The following ELAVL2 variants were observed in gnomAD, a reference collection of about 807,000 sequenced individuals.
ELAVL2 encodes ELAV like RNA binding protein 2.
In ELAVL2, 4 loss-of-function variants were observed where a neutral mutation model predicts 34.6. That is an observed-to-expected ratio of 0.12 (90% confidence interval 0.06 to 0.26). The LOEUF (loss-of-function observed/expected upper bound fraction) is 0.26, where lower values mean the gene tolerates loss of function less well. Among genes scored for constraint, ELAVL2 ranks in the 10% least tolerant of loss-of-function variants. The pLI is 1.00. For missense variants in ELAVL2, 432 were observed against 442.8 expected (o/e 0.98, Z 0.22); for synonymous variants, 193 against 154.8 (o/e 1.25, Z -1.83).
chr9:23,770,881 G>A (rs1432814673), intron 1 of ELAVL2, among the ~76,000 whole-genome samples: 2 of 152,216 alleles, frequency 1.3e-5, no homozygotes, highest in Admixed American at 1.3e-4. Context: ...AAAGATTCTA[G>A]GCAGAGACCT....
At position 23,810,776 on chromosome 9, in the gene ELAVL2, T is replaced by C. The variant is rs573741967; in HGVS notation, c.-16+15030A>G. Among the ~76,000 whole-genome samples, 33 of 152,218 alleles carry C rather than the reference T, an allele frequency of 2.2e-4. No individual in the cohort carries two copies. In the South Asian group the frequency reaches 6.6e-3, roughly 31 times the overall value. ...ATTTTCCTCACCTATAAAACATCAT[T>C]CCCAGGGAGCTGTGGCAAGTTTCTA... On this transcript the variant is annotated intron_variant, in intron 1 of 6. Coordinates refer to ENST00000397312, the MANE Select transcript of ELAVL2 (RefSeq NM_004432.5).
At chr9:23,821,959 G>C (rs1435355892) in intron 1 of ELAVL2, 5 of 151,458 alleles carry the variant, frequency 3.3e-5, no homozygotes, top group Admixed American at 1.3e-4. Flanking sequence ...ACCGCCCTTC[G>C]GGTCCGTGCC....
intron 1 of ELAVL2, among the ~76,000 whole-genome samples, chr9:23,802,874 T>C (rs1027507590): frequency 6.6e-6 from 1 of 151,598 alleles, no homozygotes; most frequent in African/African-American, 2.4e-5. Context: ...TTTAAAAATA[T>C]TTTTTAATAT....
At chr9:23,739,678 TGTG>T (rs1358955313) in intron 2 of ELAVL2, among the ~76,000 whole-genome samples, 5 of 151,998 alleles carry the variant, frequency 3.3e-5, no homozygotes, top group African/African-American at 1.2e-4. Context: ...AAAATAGTAT[TGTG>T]GTAGAGGAAA....
chr9:23,777,129 A>G (rs2058334823), intron 1 of ELAVL2, among the ~76,000 whole-genome samples: 1 of 152,238 alleles, frequency 6.6e-6, no homozygotes, highest in Non-Finnish European at 1.5e-5. Context: ...ACTGTTGATA[A>G]AACTTTCAGG....
At position 23,704,142 on chromosome 9, in the gene ELAVL2, C is replaced by T. The variant is rs561689190; in HGVS notation, c.487+776G>A. 3.9e-4 allele frequency among the ~76,000 whole-genome samples: 59 copies of T among 151,794 alleles called. 1 individual carries two copies. Among genetic ancestry groups the T allele is most frequent in the African/African-American group, 1.3e-3 (55 of 41,466 alleles). On this transcript the variant is annotated intron_variant, in intron 4 of 6. Transcript: ENST00000397312. Reference sequence around the variant, plus strand: ...AGATGGGGCTTCTCTATGTTGGTCACGCTGGTCTTGAACTCCCAGCCTCAG... The same window carrying T: ...AGATGGGGCTTCTCTATGTTGGTCATGCTGGTCTTGAACTCCCAGCCTCAG...
intron 1 of ELAVL2, among the ~76,000 whole-genome samples, chr9:23,797,902 T>G (rs2061145987): frequency 6.6e-6 from 1 of 151,378 alleles, no homozygotes; most frequent in Non-Finnish European, 1.5e-5. Context: ...CACTCCAGCT[T>G]GCGCAACAAG....
chr9:23,802,118 C>CA (rs1448675212), intron 1 of ELAVL2, among the ~76,000 whole-genome samples: 1 of 152,058 alleles, frequency 6.6e-6, no homozygotes, highest in Non-Finnish European at 1.5e-5. Flanking sequence ...TCTACTTGAG[C>CA]AACAAACTAG....
chr9:23,729,326 C>G (rs1237794791), intron 3 of ELAVL2, among the ~76,000 whole-genome samples: 4 of 152,100 alleles, frequency 2.6e-5, no homozygotes, highest in African/African-American at 9.7e-5. Context: ...AAATTAGCAG[C>G]AACGCTGGAA....
intron 1 of ELAVL2, among the ~76,000 whole-genome samples, chr9:23,789,535 C>G (rs2060095784): frequency 6.6e-6 from 1 of 152,174 alleles, no homozygotes; most frequent in Non-Finnish European, 1.5e-5. Context: ...AACTTAAAAT[C>G]TGACACCTGC....
chr9:23,831,894 G>A, the ELAVL2 span, among the ~76,000 whole-genome samples: 4 of 152,122 alleles, frequency 2.6e-5, no homozygotes, highest in Non-Finnish European at 4.4e-5. Flanking sequence ...GCTGTGAGGA[G>A]AAGTGGAAAA....
chr9:23,730,422 G>T (rs1460708955), intron 3 of ELAVL2, among the ~76,000 whole-genome samples: 1 of 152,072 alleles, frequency 6.6e-6, no homozygotes, highest in Non-Finnish European at 1.5e-5. Context: ...TACAACTCAA[G>T]CACCACATCT....
At chr9:23,844,863 G>A in the ELAVL2 span, among the ~76,000 whole-genome samples, 131 of 152,104 alleles carry the variant, frequency 8.6e-4, no homozygotes, top group Middle Eastern at 0.01. Context: ...CACAAAATGT[G>A]ATGACTTCAT....
rs563834630 is a variant in ELAVL2 at position 23,716,265 on chromosome 9, A to G, written c.334-11194T>C. On this transcript the variant is annotated intron_variant, in intron 3 of 6. Coordinates refer to ENST00000397312, the MANE Select transcript of ELAVL2 (RefSeq NM_004432.5). ...ACCAACATGGCACATGTATACATATATAACAAACCTGCACGTTGTGCACAT... is the reference window on the plus strand; with the variant it reads ...ACCAACATGGCACATGTATACATATGTAACAAACCTGCACGTTGTGCACAT... 4.8e-4 allele frequency among the ~76,000 whole-genome samples: 73 copies of G among 152,044 alleles called. No homozygotes were observed. The South Asian group carries it at 0.015, about 31-fold the overall frequency.
At chr9:23,809,965 T>C (rs998460422) in intron 1 of ELAVL2, among the ~76,000 whole-genome samples, 6 of 152,192 alleles carry the variant, frequency 3.9e-5, no homozygotes, top group African/African-American at 1.4e-4. Context: ...TATTGAACAC[T>C]TGACCTGCCA....
chr9:23,804,144 T>G (rs1042461577), intron 1 of ELAVL2, among the ~76,000 whole-genome samples: 7 of 152,052 alleles, frequency 4.6e-5, no homozygotes, highest in Non-Finnish European at 7.4e-5. Context: ...ACCACAGAAC[T>G]GTTTAAAAGA....
chr9:23,801,435 C>T (rs529062903), intron 1 of ELAVL2, among the ~76,000 whole-genome samples: 5 of 152,228 alleles, frequency 3.3e-5, no homozygotes, highest in East Asian at 3.9e-4. Context: ...TTAAGCTCTA[C>T]GTACAGGAGC....
chr9:23,718,080 T>C (rs1433844672), intron 3 of ELAVL2, among the ~76,000 whole-genome samples: 2 of 152,204 alleles, frequency 1.3e-5, no homozygotes, highest in Non-Finnish European at 2.9e-5. Flanking sequence ...ATTAGTCTTG[T>C]TATGGTTCCA....
chr9:23,740,684 C>T (rs1180207507), intron 2 of ELAVL2, among the ~76,000 whole-genome samples: 1 of 152,150 alleles, frequency 6.6e-6, no homozygotes, highest in African/African-American at 2.4e-5. Flanking sequence ...GGAAGGACAT[C>T]CTGCAGGTGC....
Sources: allele counts gnomAD v4.1 joint callset (sites outside exome capture counted in the v4.1 genomes callset), GRCh38; gene constraint gnomAD v4.1.1; transcripts MANE v1.5; gene names NCBI Gene and HGNC (gene_info 2026-07-23, HGNC 2026-07-21).